Variants in RBMS3 observed in about 807,000 individuals in gnomAD.
The protein encoded by RBMS3 is RNA-binding motif, single-stranded-interacting protein 3.
Under a neutral mutation model 66.8 loss-of-function variants are expected in RBMS3, and 27 were observed. That is an observed-to-expected ratio of 0.40 (90% CI 0.30 to 0.56). The LOEUF (loss-of-function observed/expected upper bound fraction) is 0.56. Ranked by LOEUF, RBMS3 falls within the 20% of genes least tolerant of loss-of-function variation. The pLI, the probability that RBMS3 is intolerant of heterozygous loss-of-function variation, is 0.40. For synonymous variants in RBMS3, 188 were observed against 183.0 expected (o/e 1.03, Z -0.22); for missense variants, 513 against 549.5 (o/e 0.93, Z 0.66).
chr3:29,953,863 T>A (rs1695851140), intron 12 of RBMS3, among the ~76,000 whole-genome samples: 1 of 151,944 alleles, frequency 6.6e-6, no homozygotes, highest in Admixed American at 6.6e-5. Context: ...TCTTTCTTTA[T>A]GAGAAGATCA....
intron 4 of RBMS3, among the ~76,000 whole-genome samples, chr3:29,645,104 C>G (rs996307688): frequency 7.2e-5 from 11 of 152,172 alleles, no homozygotes; most frequent in African/African-American, 2.7e-4. Context: ...CCAGTTCCTA[C>G]ATTTCTCAAG....
chr3:29,294,402 C>A (rs1282494417), intron 1 of RBMS3, among the ~76,000 whole-genome samples: 1 of 149,984 alleles, frequency 6.7e-6, no homozygotes, highest in African/African-American at 2.5e-5. Flanking sequence ...TGGGAAAAAC[C>A]ATAAAACACA....
chr3:29,725,262 C>T (rs144190998), intron 4 of RBMS3, among the ~76,000 whole-genome samples: 19 of 152,202 alleles, frequency 1.2e-4, no homozygotes, highest in East Asian at 7.7e-4. Flanking sequence ...AACTCATTGT[C>T]GAGTCACATT....
chr3:29,531,753 T>G (rs1187228968), intron 3 of RBMS3, among the ~76,000 whole-genome samples: 1 of 152,204 alleles, frequency 6.6e-6, no homozygotes, highest in Non-Finnish European at 1.5e-5. Context: ...ATGACTATGA[T>G]GCTAAGCCTC....
At chr3:29,720,435 G>A (rs1436545555) in intron 4 of RBMS3, among the ~76,000 whole-genome samples, 1 of 151,996 alleles carries the variant, frequency 6.6e-6, no homozygotes, top group East Asian at 1.9e-4. Flanking sequence ...TAACCCTATG[G>A]TAGTAGTAGT....
intron 12 of RBMS3, among the ~76,000 whole-genome samples, chr3:29,946,669 T>C (rs78956832): frequency 0.01 from 1,572 of 151,764 alleles, 28 homozygotes; most frequent in African/African-American, 0.036. Flanking sequence ...AAATACTGTT[T>C]GGTTTTCTGT....
At position 29,730,714 on chromosome 3, in the gene RBMS3, CTG is replaced by C. The variant is rs561260061; in HGVS notation, c.400-9005_400-9004del. ...CTCTTTCTGAGCAGTGAATTAAACT[CTG>C]AGATTTGTTTACAATATTGAGTAGT... On this transcript the variant is annotated intron_variant, in intron 4 of 14. Coordinates refer to ENST00000383767, the MANE Select transcript of RBMS3 (RefSeq NM_001003793.3). Among the ~76,000 whole-genome samples the C allele has an allele frequency of 1.3e-4, 20 of 152,238 alleles. No homozygotes were observed. The South Asian group carries it at 3.9e-3, about 30-fold the overall frequency.
intron 1 of RBMS3, among the ~76,000 whole-genome samples, chr3:29,427,552 C>G (rs1221750838): frequency 1.3e-5 from 2 of 152,096 alleles, no homozygotes; most frequent in African/African-American, 4.8e-5. Context: ...TGTTATCCAG[C>G]GAGCAATGGA....
intron 4 of RBMS3, among the ~76,000 whole-genome samples, chr3:29,722,484 A>T (rs976884796): frequency 5.9e-5 from 9 of 152,136 alleles, no homozygotes; most frequent in Non-Finnish European, 1.3e-4. Context: ...TACAATAGAA[A>T]TGTCTAATCT....
intron 4 of RBMS3, among the ~76,000 whole-genome samples, chr3:29,593,444 A>G (rs1052715349): frequency 6.6e-6 from 1 of 152,120 alleles, no homozygotes; most frequent in African/African-American, 2.4e-5. Flanking sequence ...AGGGCTCCCT[A>G]TGTAGGAAGG....
chr3:29,905,234 G>A (rs1442625643), intron 10 of RBMS3, among the ~76,000 whole-genome samples: 4 of 151,900 alleles, frequency 2.6e-5, no homozygotes, highest in East Asian at 3.9e-4. Context: ...AATAGGTATG[G>A]CCACATTTGA....
Position 29,871,607 on chromosome 3 carries a change from T to G in RBMS3, c.744+2643T>G, listed in dbSNP as rs539080108. Among the ~76,000 whole-genome samples the G allele has an allele frequency of 2.0e-5, 3 of 152,250 alleles. No individual in the cohort carries two copies. In the South Asian group the frequency reaches 6.2e-4, roughly 32 times the overall value. Reference sequence around the variant, plus strand: ...ATGGTACACCTTTGAATCCTTTTCTTAGATAAAATGAAAGATGGTAGTTTA... The same window carrying G: ...ATGGTACACCTTTGAATCCTTTTCTGAGATAAAATGAAAGATGGTAGTTTA... On this transcript the variant is annotated intron_variant, in intron 7 of 14. Transcript: ENST00000383767.
At position 29,580,933 on chromosome 3, in the gene RBMS3, C is replaced by G. The variant is rs965023301; in HGVS notation, c.308-6181C>G. Among the ~76,000 whole-genome samples, 3 of 152,118 alleles carry G rather than the reference C, an allele frequency of 2.0e-5. 1 individual carries two copies. The highest frequency in any genetic ancestry group is 2.9e-5 in the Non-Finnish European group (2 of 68,020). On this transcript the variant is annotated intron_variant, in intron 3 of 14. Coordinates refer to ENST00000383767, the MANE Select transcript of RBMS3 (RefSeq NM_001003793.3). ...TTTGCTAAGTGTCTGAGGCTGCAAC[C>G]CTCCCTGTTCAGGCAGTCCATATGT...
chr3:29,705,585 ATTATAGT>A (rs2149297704), intron 4 of RBMS3, among the ~76,000 whole-genome samples: 1 of 152,204 alleles, frequency 6.6e-6, no homozygotes, highest in African/African-American at 2.4e-5. Flanking sequence ...GTTGTGAATG[ATTATAGT>A]TTATTGATTT....
intron 2 of RBMS3, among the ~76,000 whole-genome samples, chr3:29,481,168 G>A (rs1265198251): frequency 6.6e-6 from 1 of 152,196 alleles, no homozygotes; most frequent in African/African-American, 2.4e-5. Context: ...GTTGAAAAAT[G>A]TAGAGAACTT....
intron 3 of RBMS3, among the ~76,000 whole-genome samples, chr3:29,490,328 G>GA (rs2043495168): frequency 1.3e-5 from 2 of 151,830 alleles, no homozygotes; most frequent in South Asian, 4.2e-4. Flanking sequence ...AGAGAAATTA[G>GA]AAAAAAATCA....
At chr3:29,886,461 G>A (rs2059874028) in intron 8 of RBMS3, among the ~76,000 whole-genome samples, 1 of 151,770 alleles carries the variant, frequency 6.6e-6, no homozygotes, top group Non-Finnish European at 1.5e-5. Context: ...TGGAAGCAAT[G>A]AGATTTGGCA....
At position 29,314,274 on chromosome 3, in the gene RBMS3, C is replaced by T. The variant is rs572593080; in HGVS notation, c.75+32518C>T. Among the ~76,000 whole-genome samples the T allele has an allele frequency of 6.6e-4, 100 of 151,810 alleles. 1 individual carries two copies. In the Middle Eastern group the frequency reaches 0.01, roughly 15 times the overall value. ...ATCCTTGAACTTATCAGCCAGCTAG[C>T]TAACTTTGGTCATTTCATTAATCTG... On this transcript the variant is annotated intron_variant, in intron 1 of 14. Coordinates refer to ENST00000383767, the MANE Select transcript of RBMS3 (RefSeq NM_001003793.3).
chr3:29,842,831 G>A (rs2058694059), intron 6 of RBMS3, among the ~76,000 whole-genome samples: 1 of 152,204 alleles, frequency 6.6e-6, no homozygotes, highest in Non-Finnish European at 1.5e-5. Context: ...GGGGCTGCAA[G>A]CCAATGAATG....
Sources: allele counts gnomAD v4.1 joint callset (sites outside exome capture counted in the v4.1 genomes callset), GRCh38; gene constraint gnomAD v4.1.1; transcripts MANE v1.5; gene names NCBI Gene and HGNC (gene_info 2026-07-23, HGNC 2026-07-21).